Variants in TNFSF4 observed in about 807,000 individuals in gnomAD.
TNFSF4 encodes tumor necrosis factor ligand superfamily member 4.
A neutral mutation model predicts 7.3 loss-of-function variants in TNFSF4; 4 were observed. That is an observed-to-expected ratio of 0.55 (90% CI 0.27 to 1.25). TNFSF4 has a LOEUF of 1.25. Among genes scored for constraint, TNFSF4 ranks in the 50% most tolerant of loss-of-function variants. The pLI, the probability that TNFSF4 is intolerant of heterozygous loss-of-function variation, is 0.12. For synonymous variants in TNFSF4, 76 were observed against 83.7 expected, an observed-to-expected ratio of 0.91 and a Z score of 0.50; for missense variants, 181 against 208.8, an observed-to-expected ratio of 0.87 and a Z score of 0.82.
Position 173,185,790 on chromosome 1 carries a change from A to G in TNFSF4, c.*726T>C, listed in dbSNP as rs1418961039. ...CAAGAAAATCTCTCTTAAGTCACTG[A>G]TTAGATTTTTCAAAGCATCACATCC... On this transcript the variant is annotated 3_prime_UTR_variant, in exon 3 of 3. Transcript: ENST00000281834. 6.6e-6 allele frequency: 1 copy of G among 152,204 alleles called. No homozygotes were observed. Among genetic ancestry groups the G allele is most frequent in the African/African-American group, 2.4e-5 (1 of 41,444 alleles). 9.4% of individuals were successfully genotyped at this position (152,204 alleles called of 1,614,324 possible).
At chr1:173,214,924 C>T in the TNFSF4 span, among the ~76,000 whole-genome samples, 1 of 152,092 alleles carries the variant, frequency 6.6e-6, no homozygotes, top group African/African-American at 2.4e-5. Context: ...TCTGGGTTTG[C>T]CTGCTTGTTT....
the TNFSF4 span, among the ~76,000 whole-genome samples, chr1:173,378,765 A>G: frequency 7.3e-3 from 1,113 of 152,028 alleles, 6 homozygotes; most frequent in Middle Eastern, 0.017. Context: ...GCTTACCCCC[A>G]TATCCCAGCC....
the TNFSF4 span, among the ~76,000 whole-genome samples, chr1:173,234,696 A>C: frequency 6.6e-6 from 1 of 152,242 alleles, no homozygotes; most frequent in Non-Finnish European, 1.5e-5. Context: ...TCGCAAGGAC[A>C]GAAAACCAAA....
At chr1:173,384,906 C>A in the TNFSF4 span, among the ~76,000 whole-genome samples, 1 of 152,120 alleles carries the variant, frequency 6.6e-6, no homozygotes, top group South Asian at 2.1e-4. Flanking sequence ...TGCCTTATAT[C>A]CCAATTCATA....
chr1:173,239,261 C>T, the TNFSF4 span, among the ~76,000 whole-genome samples: 1 of 152,124 alleles, frequency 6.6e-6, no homozygotes, highest in Non-Finnish European at 1.5e-5. Flanking sequence ...ACTGCTGACA[C>T]CCCAAATTAA....
chr1:173,221,431 C>T, the TNFSF4 span, among the ~76,000 whole-genome samples: 39 of 152,220 alleles, frequency 2.6e-4, no homozygotes, highest in African/African-American at 9.2e-4. Context: ...TGTAAAGTGC[C>T]TTGACTTCTA....
At chr1:173,239,266 A>G in the TNFSF4 span, among the ~76,000 whole-genome samples, 2 of 152,128 alleles carry the variant, frequency 1.3e-5, no homozygotes, top group African/African-American at 4.8e-5. Context: ...TGACACCCCA[A>G]ATTAATAGCA....
the TNFSF4 span, among the ~76,000 whole-genome samples, chr1:173,310,687 G>A: frequency 2.1e-3 from 284 of 134,842 alleles, 1 homozygote; most frequent in African/African-American, 7.4e-3. Flanking sequence ...TTTTTTCTTT[G>A]TCTGTTATTG....
chr1:173,278,624 C>T, the TNFSF4 span, among the ~76,000 whole-genome samples: 1 of 152,104 alleles, frequency 6.6e-6, no homozygotes, highest in Admixed American at 6.6e-5. Flanking sequence ...AATATGATCT[C>T]AGCACAGCTA....
chr1:173,377,104 G>C, the TNFSF4 span, among the ~76,000 whole-genome samples: 1 of 152,144 alleles, frequency 6.6e-6, no homozygotes, highest in East Asian at 1.9e-4. Flanking sequence ...CTCACTGTGA[G>C]CGTCTGTGGC....
At chr1:173,238,917 G>A in the TNFSF4 span, among the ~76,000 whole-genome samples, 2 of 152,060 alleles carry the variant, frequency 1.3e-5, no homozygotes, top group African/African-American at 2.4e-5. Flanking sequence ...AAGACCTCAG[G>A]GGGATAGAGA....
chr1:173,413,308 T>G, the TNFSF4 span, among the ~76,000 whole-genome samples: 1 of 152,210 alleles, frequency 6.6e-6, no homozygotes, highest in African/African-American at 2.4e-5. Flanking sequence ...TGAGTGAAGC[T>G]GCACTTCCTA....
At chr1:173,242,210 G>C in the TNFSF4 span, among the ~76,000 whole-genome samples, 1 of 152,128 alleles carries the variant, frequency 6.6e-6, no homozygotes, top group African/African-American at 2.4e-5. Context: ...GATAAAGTTA[G>C]AGTGGCCAAA....
At chr1:173,330,784 C>T in the TNFSF4 span, among the ~76,000 whole-genome samples, 57 of 151,928 alleles carry the variant, frequency 3.8e-4, no homozygotes, top group East Asian at 7.3e-3. Flanking sequence ...GTTAAAATGT[C>T]AAACTTCAGT....
At chr1:173,356,488 G>A in the TNFSF4 span, among the ~76,000 whole-genome samples, 42 of 152,242 alleles carry the variant, frequency 2.8e-4, no homozygotes, top group African/African-American at 7.9e-4. Flanking sequence ...CAGAAACCAC[G>A]TATCACAAGA....
the TNFSF4 span, among the ~76,000 whole-genome samples, chr1:173,381,322 T>C: frequency 0.076 from 11,534 of 152,220 alleles, 600 homozygotes; most frequent in East Asian, 0.27. Context: ...CAGTCAGGGA[T>C]AGTATGAGAT....
chr1:173,291,604 C>A, the TNFSF4 span, among the ~76,000 whole-genome samples: 1 of 152,058 alleles, frequency 6.6e-6, no homozygotes, highest in Non-Finnish European at 1.5e-5. Flanking sequence ...AAAATAAGAG[C>A]AAACCAACCA....
chr1:173,373,658 C>T, the TNFSF4 span, among the ~76,000 whole-genome samples: 1 of 152,098 alleles, frequency 6.6e-6, no homozygotes, highest in South Asian at 2.1e-4. Flanking sequence ...GGAATAATCC[C>T]TTGGTCCATC....
the TNFSF4 span, among the ~76,000 whole-genome samples, chr1:173,398,511 G>A: frequency 7.0e-6 from 1 of 143,112 alleles, no homozygotes; most frequent in African/African-American, 2.6e-5. Flanking sequence ...TGCAAGCTCT[G>A]CCTCCCAGGT....
Sources: allele counts gnomAD v4.1 joint callset (sites outside exome capture counted in the v4.1 genomes callset), GRCh38; gene constraint gnomAD v4.1.1; transcripts MANE v1.5; gene names NCBI Gene and HGNC (gene_info 2026-07-23, HGNC 2026-07-21).